TBC1D5: variants seen among roughly 807,000 people sequenced by gnomAD.
TBC1D5 encodes TBC1 domain family, member 5.
Under a neutral mutation model 100.3 loss-of-function variants are expected in TBC1D5, and 75 were observed. That is an observed-to-expected ratio of 0.75 (90% CI 0.62 to 0.91). TBC1D5 has a LOEUF of 0.91. Among genes scored for constraint, TBC1D5 ranks in the 40% least tolerant of loss-of-function variants. TBC1D5 has a pLI of 0.00. For missense variants in TBC1D5, 910 were observed against 942.4 expected, an observed-to-expected ratio of 0.97 and a Z score of 0.45; for synonymous variants, 323 against 325.6, an observed-to-expected ratio of 0.99 and a Z score of 0.09.
At chr3:17,454,374 A>G (rs562855950) in intron 3 of TBC1D5, among the ~76,000 whole-genome samples, 1 of 152,356 alleles carries the variant, frequency 6.6e-6, no homozygotes, top group South Asian at 2.1e-4. Context: ...GGAAAAACGT[A>G]AAGACTCTAC....
chr3:17,602,752 T>A (rs2061061195), intron 2 of TBC1D5, among the ~76,000 whole-genome samples: 1 of 151,724 alleles, frequency 6.6e-6, no homozygotes, highest in Non-Finnish European at 1.5e-5. Context: ...TTTTTGTATT[T>A]TTAGTAGGGA....
intron 2 of TBC1D5, among the ~76,000 whole-genome samples, chr3:17,613,501 A>T (rs1367577185): frequency 2.0e-5 from 3 of 152,192 alleles, no homozygotes; most frequent in African/African-American, 7.2e-5. Flanking sequence ...CACTCCCATC[A>T]ACAGTGTAAA....
exon 22 of TBC1D5, chr3:17,159,137 T>C (rs1474603826): frequency 1.3e-5 from 2 of 152,032 alleles, no homozygotes; most frequent in Non-Finnish European, 1.5e-5. Context: ...TGCCAGGCAA[T>C]TGCCCAGTGG....
intron 19 of TBC1D5, among the ~76,000 whole-genome samples, chr3:17,171,506 A>G (rs1353592252): frequency 2.0e-5 from 3 of 151,924 alleles, no homozygotes; most frequent in Non-Finnish European, 4.4e-5. Context: ...TTCCTCCTTG[A>G]CTCTGCTTAG....
chr3:17,219,095 T>G (rs533519197), intron 17 of TBC1D5, among the ~76,000 whole-genome samples: 12 of 151,742 alleles, frequency 7.9e-5, no homozygotes, highest in African/African-American at 2.9e-4. Flanking sequence ...TTGTTTTTTT[T>G]TTTTATTCTT....
intron 3 of TBC1D5, among the ~76,000 whole-genome samples, chr3:17,438,324 T>C (rs1428186366): frequency 6.6e-6 from 1 of 152,126 alleles, no homozygotes; most frequent in Non-Finnish European, 1.5e-5. Flanking sequence ...CATAAAAGAT[T>C]TGATATGGTT....
intron 2 of TBC1D5, among the ~76,000 whole-genome samples, chr3:17,568,536 AAT>A (rs1285988240): frequency 6.6e-6 from 1 of 151,548 alleles, no homozygotes; most frequent in Non-Finnish European, 1.5e-5. Context: ...GTCAATGACA[AAT>A]ATATAAGTTG....
intron 2 of TBC1D5, among the ~76,000 whole-genome samples, chr3:17,531,009 A>C (rs1191697792): frequency 6.6e-6 from 1 of 152,208 alleles, no homozygotes; most frequent in Non-Finnish European, 1.5e-5. Flanking sequence ...GAAGGAAATA[A>C]AGGGCATTCA....
chr3:17,569,879 G>C (rs1390098004), intron 2 of TBC1D5, among the ~76,000 whole-genome samples: 1 of 151,824 alleles, frequency 6.6e-6, no homozygotes, highest in Non-Finnish European at 1.5e-5. Context: ...AAAGCTAGCA[G>C]TGACATATGG....
intron 13 of TBC1D5, among the ~76,000 whole-genome samples, chr3:17,332,378 A>C (rs1302440499): frequency 2.0e-5 from 3 of 152,158 alleles, no homozygotes; most frequent in Non-Finnish European, 4.4e-5. Context: ...AAAATCAATA[A>C]TGCAGTTTTG....
At chr3:17,253,396 T>A (rs1177852398) in intron 16 of TBC1D5, among the ~76,000 whole-genome samples, 1 of 152,184 alleles carries the variant, frequency 6.6e-6, no homozygotes, top group African/African-American at 2.4e-5. Flanking sequence ...CTGAAGAGAG[T>A]TGTTAATTCT....
At chr3:17,563,317 T>C (rs2096571675) in intron 2 of TBC1D5, among the ~76,000 whole-genome samples, 1 of 152,168 alleles carries the variant, frequency 6.6e-6, no homozygotes, top group East Asian at 1.9e-4. Context: ...CTAGGCTGGA[T>C]CTGTTAACTT....
At chr3:17,705,983 C>CCT (rs528162866) in intron 1 of TBC1D5, 1 of 1,224,596 alleles carries the variant, frequency 8.2e-7, no homozygotes, top group Non-Finnish European at 1.1e-6. Context: ...TTTCTTTACT[C>CCT]TTTTTTTTTT....
chr3:17,408,060 G>A (rs569083768), intron 4 of TBC1D5, among the ~76,000 whole-genome samples: 3 of 151,938 alleles, frequency 2.0e-5, no homozygotes, highest in Non-Finnish European at 4.4e-5. Flanking sequence ...GGACATGAGA[G>A]GCACATGCTT....
chr3:17,288,000 T>C (rs1019589844), intron 15 of TBC1D5, among the ~76,000 whole-genome samples: 2 of 152,234 alleles, frequency 1.3e-5, no homozygotes, highest in Admixed American at 1.3e-4. Context: ...TCATTGAGAA[T>C]TGTATGTTTA....
At chr3:17,689,430 C>A (rs2070766381) in intron 1 of TBC1D5, among the ~76,000 whole-genome samples, 1 of 150,990 alleles carries the variant, frequency 6.6e-6, no homozygotes, top group Admixed American at 6.6e-5. Flanking sequence ...CCCCAGCTAG[C>A]CAGGAGGCTG....
intron 13 of TBC1D5, among the ~76,000 whole-genome samples, chr3:17,339,074 T>G (rs1005672921): frequency 2.0e-5 from 3 of 152,180 alleles, no homozygotes; most frequent in African/African-American, 4.8e-5. Flanking sequence ...GAAGAAAAGA[T>G]AGCATTAAAC....
intron 1 of TBC1D5, among the ~76,000 whole-genome samples, chr3:17,727,358 G>A (rs932327686): frequency 2.6e-5 from 4 of 152,200 alleles, no homozygotes; most frequent in Admixed American, 6.5e-5. Flanking sequence ...TCTAGCCTGG[G>A]TGACAGAGTG....
intron 18 of TBC1D5, among the ~76,000 whole-genome samples, chr3:17,193,303 T>C (rs557368870): frequency 2.7e-4 from 41 of 152,326 alleles, no homozygotes; most frequent in South Asian, 8.3e-4. Flanking sequence ...GAAACCTTTA[T>C]TTTTCCCTGC....
Sources: gnomAD v4.1 joint callset for allele counts (sites outside exome capture counted in the v4.1 genomes callset) on GRCh38, gnomAD v4.1.1 for gene constraint, MANE v1.5 for transcripts, NCBI Gene and HGNC (gene_info 2026-07-23, HGNC 2026-07-21) for gene names.